The following GBP3 variants were observed in gnomAD, a reference collection of about 807,000 sequenced individuals.
GBP3 encodes the protein guanylate binding protein 3.
In GBP3, 55 loss-of-function variants were observed where a neutral mutation model predicts 62.4. The observed-to-expected ratio is 0.88, with a 90% CI of 0.71 to 1.10. GBP3 has a LOEUF of 1.10. GBP3 is among the 50% of genes least tolerant of loss of function. GBP3 has a pLI of 0.00. For synonymous variants in GBP3, 208 were observed against 259.2 expected, an observed-to-expected ratio of 0.80 and a Z score of 1.90; for missense variants, 605 against 690.6, an observed-to-expected ratio of 0.88 and a Z score of 1.39.
chr1:89,017,033 A>G (rs1678923374), intron 2 of GBP3, among the ~76,000 whole-genome samples: 1 of 152,218 alleles, frequency 6.6e-6, no homozygotes, highest in South Asian at 2.1e-4. Context: ...TGAAATTTCA[A>G]GAGATCCCCA....
chr1:89,020,526 A>G lies in GBP3; in HGVS notation c.190+6T>C, dbSNP rs1315028435. 4.3e-6 allele frequency: 7 copies of G among 1,614,058 alleles called. No individual in the cohort carries two copies. The South Asian group carries it at 7.7e-5, about 18-fold the overall frequency. On this transcript the variant is annotated splice_donor_region_variant and intron_variant, in intron 2 of 10. Transcript: ENST00000370481. ...GACTTGGCAGAGCTTTGCTCATGCC[A>G]CTCACCCTTATTCTTCCCAGCTAGC... is the stretch of plus-strand genomic sequence containing the variant.
At chr1:89,017,164 T>A (rs1678928065) in intron 2 of GBP3, among the ~76,000 whole-genome samples, 1 of 152,130 alleles carries the variant, frequency 6.6e-6, no homozygotes, top group Admixed American at 6.5e-5. Flanking sequence ...AACACTGTTA[T>A]CAACTAATGG....
intron 10 of GBP3, among the ~76,000 whole-genome samples, chr1:89,008,300 C>T (rs560739784): frequency 1.3e-5 from 2 of 151,020 alleles, no homozygotes; most frequent in South Asian, 4.2e-4. Context: ...GTCTCTACTC[C>T]CTGTTGGCAG....
intron 3 of GBP3, among the ~76,000 whole-genome samples, 170 bp from the exon 4 acceptor site, chr1:89,014,826 A>T (rs923331498): frequency 3.9e-5 from 6 of 152,218 alleles, no homozygotes; most frequent in African/African-American, 1.4e-4. Context: ...TGGAATGTGT[A>T]TAGTTTTTTG....
At chr1:89,021,544 A>ACACACACACACACACACACC (rs761151308) in intron 1 of GBP3, among the ~76,000 whole-genome samples, 2 of 141,052 alleles carry the variant, frequency 1.4e-5, no homozygotes, top group African/African-American at 2.5e-5. Context: ...ACACACACAC[A>ACACACACACACACACACACC]CCCCAAAAAA....
At chr1:89,017,883 G>A (rs1323963581) in intron 2 of GBP3, among the ~76,000 whole-genome samples, 6 of 151,994 alleles carry the variant, frequency 3.9e-5, no homozygotes, top group South Asian at 2.1e-4. Context: ...GTTTGAGACC[G>A]GCCTGGCAAA....
chr1:89,022,721 G>C lies in GBP3; in HGVS notation c.-60C>G, dbSNP rs1679314716. ...CTTCAGTCCAGGTAAAGTTGTTTCTGTCACTTCTCTTTTCTTTCGCTGGAT... is the reference window on the plus strand; with the variant it reads ...CTTCAGTCCAGGTAAAGTTGTTTCTCTCACTTCTCTTTTCTTTCGCTGGAT... On this transcript the variant is annotated 5_prime_UTR_variant, in exon 1 of 11. Coordinates refer to ENST00000370481, the MANE Select transcript of GBP3 (RefSeq NM_018284.3). The C allele has an allele frequency of 6.6e-6, 1 of 152,216 alleles. No homozygotes were observed. Among genetic ancestry groups the C allele is most frequent in the African/African-American group, 2.4e-5 (1 of 41,440 alleles). 9.4% of individuals were successfully genotyped at this position (152,216 alleles called of 1,614,324 possible). A position where few individuals can be genotyped will look rare whatever the true frequency, so the allele number is the denominator to read the frequency against.
chr1:89,008,792 C>A, intron 10 of GBP3, 155 bp downstream of exon 10: 1 of 1,399,594 alleles, frequency 7.1e-7, no homozygotes, highest in East Asian at 2.5e-5. Context: ...TAGGCAGTGG[C>A]CATTTCAAGT....
At chr1:89,022,632 T>C (rs914410477) in intron 1 of GBP3, 52 bp downstream of exon 1, 3 of 152,222 alleles carry the variant, frequency 2.0e-5, no homozygotes, top group African/African-American at 7.2e-5. Flanking sequence ...AGGCTCCACG[T>C]CCCTGAGCTG....
chr1:89,011,796 A>C lies in GBP3; in HGVS notation c.1100T>G (p.Met367Arg). 6.8e-7 allele frequency: 1 copy of C among 1,462,496 alleles called. No homozygotes were observed. Among genetic ancestry groups the C allele is most frequent in the African/African-American group, 1.4e-5 (1 of 74,004 alleles). 90.6% of individuals were successfully genotyped at this position (1,462,496 alleles called of 1,614,324 possible). Residue 367 changes from methionine to arginine, a missense_variant, in exon 7 of 11, where the codon ATG (methionine) becomes AGG (arginine). By Grantham distance (91) the Met-to-Arg change is moderately conservative. Coordinates refer to ENST00000370481, the MANE Select transcript of GBP3 (RefSeq NM_018284.3). ...VSEREATEVY[M>R]KNSFKDVDHL... is the part of the protein sequence containing the mutation. Reference sequence around the variant, plus strand: ...GTCCACATCCTTGAAAGAGTTCTTCATATAGACTTCAGTGGCCTCCCTCTC... The same window carrying C: ...GTCCACATCCTTGAAAGAGTTCTTCCTATAGACTTCAGTGGCCTCCCTCTC...
At position 89,014,596 on chromosome 1, in the gene GBP3, C is replaced by T. The variant is rs773385974; in HGVS notation, c.379G>A (p.Val127Met). 2.7e-5 allele frequency: 43 copies of T among 1,613,914 alleles called. No individual in the cohort carries two copies. Among genetic ancestry groups the T allele is most frequent in the Middle Eastern group, 3.3e-4 (2 of 6,080 alleles). Residue 127 changes from valine to methionine, a missense_variant, in exon 4 of 11, where the codon GTG (valine) becomes ATG (methionine). Val to Met is a conservative substitution (Grantham distance 21). Coordinates refer to ENST00000370481, the MANE Select transcript of GBP3 (RefSeq NM_018284.3). ...TTGATGGTTCCCATGCTATTGTACA[C>T]GAGAGTGCTGCTCAGGAGGACGGCC... ...TLAVLLSSTL[V>M]YNSMGTINQQ...
In GBP3 at chr1:89,020,590, C is replaced by G. The variant is rs1679132769; in HGVS notation, c.132G>C (p.Val44=). The stretch of plus-strand genomic sequence containing the variant: ...AGGATTTTCCTGTGCGGTAGAGGCC[C>G]ACAATTGCCACCACCACCACAGGCT... ...ITQPVVVVAI[V]GLYRTGKSYL... The change falls in exon 2 of 11, where the codon GTG becomes GTC. Residue 44 remains valine, a synonymous_variant. Transcript: ENST00000370481. The G allele has an allele frequency of 6.2e-7, 1 of 1,614,022 alleles. No individual in the cohort carries two copies. The highest frequency in any genetic ancestry group is 8.5e-7 in the Non-Finnish European group (1 of 1,180,024).
chr1:89,011,206 C>T lies in GBP3; in HGVS notation c.1150-90G>A, dbSNP rs1165549226. ...TTTGGGAAAGACTTCCGAAAATAAA[C>T]AGTCAATGATGCCGGAGAAACTGAC... On this transcript the variant is annotated intron_variant, in intron 7 of 10. Coordinates refer to ENST00000370481, the MANE Select transcript of GBP3 (RefSeq NM_018284.3). 47 of 1,400,866 alleles carry T rather than the reference C, an allele frequency of 3.4e-5. 5 individuals are homozygous for T. The East Asian group carries it at 4.7e-4, about 14-fold the overall frequency. 86.8% of individuals were successfully genotyped at this position (1,400,866 alleles called of 1,614,324 possible).
Position 89,007,822 on chromosome 1 carries a change from G to C in GBP3, c.1690C>G (p.Gln564Glu). Residue 564 changes from glutamine (Q) to glutamate (E), a missense_variant, in exon 11 of 11, where the codon CAA becomes GAA. Physicochemically the swap from Gln to Glu is conservative, Grantham distance 29. Around this residue, in one of 3 missense-constraint regions of GBP3, gnomAD observed 160 missense variants for 147.8 expected, o/e 1.08. Transcript: ENST00000370481. Reference sequence around the variant, plus strand: ...TTTTGAAGTTGGGTACTTTCACCTTGGCATCTCTCCTTTAGTACTCGGGCC... The same window carrying C: ...TTTTGAAGTTGGGTACTTTCACCTTCGCATCTCTCCTTTAGTACTCGGGCC... The part of the protein sequence containing the change: ...EQARVLKERC[Q>E]GESTQLQNEI... The C allele has an allele frequency of 6.2e-7, 1 of 1,613,008 alleles. No individual in the cohort carries two copies. Among genetic ancestry groups the C allele is most frequent in the Non-Finnish European group, 8.5e-7 (1 of 1,179,464 alleles).
chr1:89,008,700 C>T, intron 10 of GBP3: 1 of 604,954 alleles, frequency 1.7e-6, no homozygotes, highest in Non-Finnish European at 2.8e-6. Context: ...TGATGCCTAG[C>T]ATATGACAGC....
rs114910977 is a variant in GBP3 at position 89,007,770 on chromosome 1, A to C, written c.1742T>G (p.Leu581Arg). The change falls in exon 11 of 11, where the codon CTG (leucine) becomes CGG (arginine). Residue 581 changes from leucine (L) to arginine (R), a missense_variant. By Grantham distance (102) the Leu-to-Arg change is moderately radical. Transcript: ENST00000370481. ...QNEIQKLQKT[L>R]KKKTKRYMSH... ...CATATATCTCTTGGTTTTTTTTTTC[A>C]GGGTCTTCTGTAGCTTTTGTATCTC... 6.2e-7 allele frequency: 1 copy of C among 1,608,290 alleles called. No homozygotes were observed. The highest frequency in any genetic ancestry group is 8.5e-7 in the Non-Finnish European group (1 of 1,177,322).
At chr1:89,019,256 A>G (rs1484114373) in intron 2 of GBP3, among the ~76,000 whole-genome samples, 3 of 152,252 alleles carry the variant, frequency 2.0e-5, no homozygotes, top group Admixed American at 6.5e-5. Flanking sequence ...GTATACACAT[A>G]TAATTACTTA....
Position 89,021,832 on chromosome 1 carries a change from AAAG to A in GBP3, c.-23+849_-23+851del, listed in dbSNP as rs1306490598. On this transcript the variant is annotated intron_variant, in intron 1 of 10. Transcript: ENST00000370481. The stretch of plus-strand genomic sequence containing the variant: ...GAGAGAGAGAGAGAGAGAGAGAGAG[AAAG>A]TGCCAGCAAGGGAGATGTCAGACAA... Among the ~76,000 whole-genome samples, 114 of 141,786 alleles carry A rather than the reference AAAG, an allele frequency of 8.0e-4. 1 individual carries two copies. Among genetic ancestry groups the A allele is most frequent in the South Asian group, 1.3e-3 (6 of 4,472 alleles). 93.0% of individuals were successfully genotyped at this position (141,786 alleles called of 152,430 possible). A position where few individuals can be genotyped will look rare whatever the true frequency, so the allele number is the denominator to read the frequency against.
intron 1 of GBP3, among the ~76,000 whole-genome samples, 196 bp downstream of exon 1, chr1:89,022,488 T>C (rs1679301308): frequency 6.6e-6 from 1 of 152,240 alleles, no homozygotes; most frequent in Non-Finnish European, 1.5e-5. Flanking sequence ...AGAGCCATGG[T>C]ACTTCTGATA....
Sources: allele counts gnomAD v4.1 joint callset (sites outside exome capture counted in the v4.1 genomes callset), GRCh38; gene constraint gnomAD v4.1.1; regional missense constraint gnomAD v4.1.1; transcripts MANE v1.5; gene names NCBI Gene and HGNC (gene_info 2026-07-23, HGNC 2026-07-21).